The following RTL1 variants were observed in gnomAD, a reference collection of about 807,000 sequenced individuals.
RTL1 encodes the protein retrotransposon Gag like 1.
For missense variants in RTL1, 1,681 were observed against 1,767.5 expected, an observed-to-expected ratio of 0.95 and a Z score of 0.88; for synonymous variants, 727 against 748.4, an observed-to-expected ratio of 0.97 and a Z score of 0.47.
chr14:100,898,162 C>T (rs2038894768), intron 2 of RTL1: 1 of 202,280 alleles, frequency 4.9e-6, no homozygotes, highest in African/African-American at 2.3e-5. Context: ...CAGGGTGGGT[C>T]ACAGATTCAT....
At chr14:100,900,379 C>G (rs768258517) in intron 2 of RTL1, among the ~76,000 whole-genome samples, 4 of 152,204 alleles carry the variant, frequency 2.6e-5, no homozygotes, top group Non-Finnish European at 5.9e-5. Context: ...GGAACCTCCT[C>G]GGCCGCTGTG....
intron 3 of RTL1, among the ~76,000 whole-genome samples, chr14:100,890,522 G>T (rs966560902): frequency 5.9e-5 from 9 of 151,916 alleles, no homozygotes; most frequent in Admixed American, 5.9e-4. Flanking sequence ...GGGCTGAGGA[G>T]GAAGGTGAAG....
rs753491171 is a variant in RTL1, at chr14:100,883,145, G to A, written c.1644C>T (p.Gly548=). The stretch of plus-strand genomic sequence containing the variant: ...GTGGCAGTCCGGGTAGCAGGCTCAT[G>A]CCGTGCCTCTCTAGGGCAATGCATG... The part of the protein sequence containing the change: ...PPPCIALERH[G]MSLLPGLPHP... The change falls in exon 4 of 4, where the codon GGC becomes GGT. Residue 548 remains glycine, a synonymous_variant. Coordinates refer to ENST00000649591, the MANE Select transcript of RTL1 (RefSeq NM_001134888.3). The surrounding 1 kb of genome is among the most constrained non-coding windows in gnomAD (Gnocchi z 5.9). 6.8e-6 allele frequency: 11 copies of A among 1,607,428 alleles called. No individual in the cohort carries two copies. In the South Asian group the frequency reaches 1.2e-4, roughly 18 times the overall value.
Position 100,883,772 on chromosome 14 carries a change from G to C in RTL1, c.1017C>G (p.Phe339Leu), listed in dbSNP as rs2038656239. 2.6e-6 allele frequency: 4 copies of C among 1,551,570 alleles called. No individual in the cohort carries two copies. The highest frequency in any genetic ancestry group is 2.4e-5 in the East Asian group (1 of 40,930). The change falls in exon 4 of 4, where the codon TTC becomes TTG. Residue 339 changes from phenylalanine to leucine, a missense_variant. Transcript: ENST00000649591. The surrounding 1 kb of genome is among the most constrained non-coding windows in gnomAD (Gnocchi z 5.9). Reference sequence around the variant, plus strand: ...CTAGGGAATCCGGCTGAGGGACCCGGAATAGATAGTGCCTGATCTCCTCGT... The same window carrying C: ...CTAGGGAATCCGGCTGAGGGACCCGCAATAGATAGTGCCTGATCTCCTCGT... The part of the protein sequence containing the change: ...GLNEEIRHYL[F>L]RVPQPDSLDS...
chr14:100,885,872 A>G (rs1486445911), intron 3 of RTL1, among the ~76,000 whole-genome samples: 1 of 152,082 alleles, frequency 6.6e-6, no homozygotes, highest in African/African-American at 2.4e-5. Context: ...TCTTTCTAGC[A>G]AATATCTTTT....
At position 100,881,319 on chromosome 14, in the gene RTL1, G is replaced by A; in HGVS notation, c.3470C>T (p.Thr1157Ile). The change falls in exon 4 of 4, where the codon ACC becomes ATC. Residue 1157 changes from threonine (T) to isoleucine (I), a missense_variant. Coordinates refer to ENST00000649591, the MANE Select transcript of RTL1 (RefSeq NM_001134888.3). This position sits in a 1 kb window ranked among gnomAD's most constrained non-coding sequence, Gnocchi z 6.6. ...TQMPALVGAN[T>I]IPAQELAELF... Reference sequence around the variant, plus strand: ...CTCAGCCAGCTCCTGGGCTGGGATGGTGTTTGCACCTACGAGAGCGGGCAT... The same window carrying A: ...CTCAGCCAGCTCCTGGGCTGGGATGATGTTTGCACCTACGAGAGCGGGCAT... The A allele has an allele frequency of 6.4e-7, 1 of 1,550,636 alleles. No individual in the cohort carries two copies. Among genetic ancestry groups the A allele is most frequent in the Non-Finnish European group, 8.7e-7 (1 of 1,147,012 alleles).
Position 100,883,883 on chromosome 14 carries a change from A to G in RTL1, c.906T>C (p.Thr302=), listed in dbSNP as rs1390108514. ...GGCTCTGGAACTCATCGATGTACTC[A>G]GTGGCAGAGCGGCCGCCCTGCCTGA... ...FTIRQGGRSA[T]EYIDEFQSLV... Residue 302 remains threonine, a synonymous_variant, in exon 4 of 4, where the codon ACT becomes ACC. Transcript: ENST00000649591. The surrounding 1 kb of genome is among the most constrained non-coding windows in gnomAD (Gnocchi z 5.9). The G allele has an allele frequency of 8.4e-6, 13 of 1,551,588 alleles. No individual in the cohort carries two copies. The highest frequency in any genetic ancestry group is 1.1e-5 in the Non-Finnish European group (13 of 1,146,986).
chr14:100,898,832 CT>C (rs2038904039), intron 2 of RTL1: 1 of 152,276 alleles, frequency 6.6e-6, no homozygotes, highest in African/African-American at 2.4e-5. Context: ...CACCGAAGCC[CT>C]GACCCTGGAA....
At chr14:100,891,226 CG>C (rs1401291229) in intron 3 of RTL1, among the ~76,000 whole-genome samples, 12 of 152,142 alleles carry the variant, frequency 7.9e-5, no homozygotes, top group African/African-American at 2.9e-4. Context: ...TGGCTAAAGA[CG>C]ACTTGAGCCT....
chr14:100,901,503 G>A (rs566091069), intron 2 of RTL1, among the ~76,000 whole-genome samples: 18 of 152,304 alleles, frequency 1.2e-4, no homozygotes, highest in East Asian at 3.9e-4. Flanking sequence ...TCAGCAGGCC[G>A]GCACCCCAGC....
chr14:100,899,783 A>G (rs751990901), intron 2 of RTL1, among the ~76,000 whole-genome samples: 26 of 151,996 alleles, frequency 1.7e-4, no homozygotes, highest in Non-Finnish European at 3.7e-4. Flanking sequence ...AATAACGCAA[A>G]TAAATCATCC....
In RTL1 at chr14:100,880,497, G is replaced by T; in HGVS notation, c.*215C>A. On this transcript the variant is annotated 3_prime_UTR_variant, in exon 4 of 4. Transcript: ENST00000649591. ...GGAGAACTCGTAGCCCAGGGCTGGC[G>T]CTGGGTCTCTGAGGACTGGGTAGTC... is the stretch of plus-strand genomic sequence containing the variant. 1 of 508,960 alleles carries T rather than the reference G, an allele frequency of 2.0e-6. No homozygotes were observed. The highest frequency in any genetic ancestry group is 2.5e-6 in the Non-Finnish European group (1 of 394,780). The allele number at this position is 508,960 out of a possible 1,614,324, so 31.5% of individuals were successfully genotyped here. A position where few individuals can be genotyped will look rare whatever the true frequency, so the allele number is the denominator to read the frequency against.
At position 100,882,520 on chromosome 14, in the gene RTL1, G is replaced by T. The variant is rs891986142; in HGVS notation, c.2269C>A (p.Arg757Ser). 3.9e-6 allele frequency: 6 copies of T among 1,551,788 alleles called. No homozygotes were observed. The highest frequency in any genetic ancestry group is 5.2e-6 in the Non-Finnish European group (6 of 1,147,090). ...AGGGAGCAGTAGACGTTGTGATGGC[G>T]GAAGCGGACCAGGACTTGGCGGACG... is the stretch of plus-strand genomic sequence containing the variant. ...HHVRQVLVRF[R>S]HHNVYCSLDK... The change falls in exon 4 of 4, where the codon CGC becomes AGC. Residue 757 changes from arginine to serine, a missense_variant. Physicochemically the swap from Arg to Ser is moderately radical, Grantham distance 110. Coordinates refer to ENST00000649591, the MANE Select transcript of RTL1 (RefSeq NM_001134888.3).
chr14:100,890,745 T>A (rs191016196), intron 3 of RTL1, among the ~76,000 whole-genome samples: 1 of 151,986 alleles, frequency 6.6e-6, no homozygotes, highest in African/African-American at 2.4e-5. Flanking sequence ...CTCCTTGGGT[T>A]TGAGGGACAT....
rs1251590000 is a variant in RTL1, at chr14:100,880,736, CTCA to C, written c.4050_4052del (p.Asp1350del). 7 of 1,550,898 alleles carry C rather than the reference CTCA, an allele frequency of 4.5e-6. No individual in the cohort carries two copies. The highest frequency in any genetic ancestry group is 4.4e-6 in the Non-Finnish European group (5 of 1,146,960). On this transcript the variant is annotated inframe_deletion, in exon 4 of 4. Transcript: ENST00000649591. ...TTCAGTCGAGGTTAGCATCTTCGTC[CTCA>C]TCAGGCAGCTCTTCTAGCCTTGCCT...
rs1157324828 is a variant in RTL1 at position 100,881,902 on chromosome 14, T to C, written c.2887A>G (p.Thr963Ala). The C allele has an allele frequency of 6.2e-7, 1 of 1,613,620 alleles. No individual in the cohort carries two copies. The highest frequency in any genetic ancestry group is 2.2e-5 in the East Asian group (1 of 44,870). ...ACCCAATGCCCGGGGAGAAGTACGG[T>C]GAGCCTGTCATTATTCAGAGAGGCT... ...DLASLNNDRL[T>A]VLLPGHWVFF... The change falls in exon 4 of 4, where the codon ACC becomes GCC. Residue 963 changes from threonine (T) to alanine (A), a missense_variant. Physicochemically the swap from Thr to Ala is moderately conservative, Grantham distance 58. Transcript: ENST00000649591. The surrounding 1 kb of genome is among the most constrained non-coding windows in gnomAD (Gnocchi z 6.6).
intron 2 of RTL1, among the ~76,000 whole-genome samples, chr14:100,902,146 C>T (rs2038950603): frequency 6.6e-6 from 1 of 152,220 alleles, no homozygotes; most frequent in Admixed American, 6.5e-5. Context: ...GCAGCCTGCT[C>T]AGGGCTCGCA....
rs760768546 is a variant in RTL1 at position 100,882,821 on chromosome 14, C to T, written c.1968G>A (p.Gln656=). ...YIQMIPELFD[Q]LHGAEWFTKL... is the part of the protein sequence containing the mutation. The stretch of plus-strand genomic sequence containing the variant: ...TTGTGAACCACTCGGCTCCGTGTAA[C>T]TGGTCAAACAGTTCCGGAATCATCT... The change falls in exon 4 of 4, where the codon CAG becomes CAA. Residue 656 remains glutamine (Q), a synonymous_variant. Coordinates refer to ENST00000649591, the MANE Select transcript of RTL1 (RefSeq NM_001134888.3). The T allele has an allele frequency of 1.9e-6, 3 of 1,552,376 alleles. No homozygotes were observed. Among genetic ancestry groups the T allele is most frequent in the Non-Finnish European group, 8.7e-7 (1 of 1,147,224 alleles).
intron 2 of RTL1, among the ~76,000 whole-genome samples, chr14:100,899,239 G>A (rs546319147): frequency 2.9e-4 from 44 of 152,352 alleles, no homozygotes; most frequent in African/African-American, 9.4e-4. Context: ...CACAGCGCGG[G>A]AGTAGCGTCT....
Sources: gnomAD v4.1 joint callset for allele counts (sites outside exome capture counted in the v4.1 genomes callset) on GRCh38, gnomAD v4.1.1 for gene constraint, Gnocchi (gnomAD v3.1) non-coding constraint, MANE v1.5 for transcripts, NCBI Gene and HGNC (gene_info 2026-07-23, HGNC 2026-07-21) for gene names.